Variants in ZMIZ1 observed in about 807,000 individuals in gnomAD.
The protein encoded by ZMIZ1 is zinc finger MIZ domain-containing protein 1.
ZMIZ1 carries 17 observed loss-of-function variants against 113.9 expected under a neutral mutation model. The observed-to-expected ratio is 0.15, with a 90% CI of 0.10 to 0.22. The LOEUF (loss-of-function observed/expected upper bound fraction) is 0.22. Among genes scored for constraint, ZMIZ1 ranks in the 10% least tolerant of loss-of-function variants. ZMIZ1 has a pLI of 1.00. For synonymous variants in ZMIZ1, 607 were observed against 603.1 expected (o/e 1.01, Z -0.09); for missense variants, 1,059 against 1,477.8 (o/e 0.72, Z 4.65).
chr10:79,180,180 G>T (rs1847055460), intron 4 of ZMIZ1, among the ~76,000 whole-genome samples: 1 of 152,176 alleles, frequency 6.6e-6, no homozygotes, highest in Admixed American at 6.5e-5. Flanking sequence ...CCCTCAGGGG[G>T]CCTCTCGAGA....
In ZMIZ1 at chr10:79,304,038, G is replaced by T; in HGVS notation, c.2149G>T (p.Ala717Ser). Residue 717 changes from alanine to serine, a missense_variant, in exon 19 of 25, where the codon GCT (alanine) becomes TCT (serine). By Grantham distance (99) the Ala-to-Ser change is moderately conservative. This residue lies in a region of ZMIZ1 where 217 missense variants were observed against 426.9 expected (regional missense o/e 0.51). Coordinates refer to ENST00000334512, the MANE Select transcript of ZMIZ1 (RefSeq NM_020338.4). ...TKIKRNFSSV[A>S]ASSGNTTLNG... The stretch of plus-strand genomic sequence containing the variant: ...AGTCAAGCGGAATTTCAGCAGCGTG[G>T]CTGCCTCCTCGGGCAACACGACCCT... 1.2e-6 allele frequency: 2 copies of T among 1,614,164 alleles called. No homozygotes were observed. The highest frequency in any genetic ancestry group is 1.3e-5 in the African/African-American group (1 of 75,070).
intron 6 of ZMIZ1, among the ~76,000 whole-genome samples, chr10:79,213,764 C>T (rs993703688): frequency 1.6e-4 from 24 of 152,174 alleles, no homozygotes; most frequent in African/African-American, 5.5e-4. Flanking sequence ...GAGTTTTCAG[C>T]TAGACTGCCT....
intron 3 of ZMIZ1, among the ~76,000 whole-genome samples, chr10:79,145,180 A>G (rs1845429825): frequency 1.3e-5 from 2 of 150,052 alleles, no homozygotes; most frequent in African/African-American, 4.9e-5. Flanking sequence ...TATTCCGCTC[A>G]TGGCCTTGCC....
Position 79,221,918 on chromosome 10 carries a change from A to G in ZMIZ1, c.280+5644A>G, listed in dbSNP as rs566571731. Among the ~76,000 whole-genome samples, 12 of 152,368 alleles carry G rather than the reference A, an allele frequency of 7.9e-5. No individual in the cohort carries two copies. In the South Asian group the frequency reaches 2.5e-3, roughly 32 times the overall value. On this transcript the variant is annotated intron_variant, in intron 7 of 24. Transcript: ENST00000334512. ...CCTGTCTTCCTGAGGCTGGCCTCAC[A>G]GCTGTGGGCTCCCACCCTCATGCTA...
At chr10:79,293,783 TAGGGG>T in intron 12 of ZMIZ1, 130 bp downstream of exon 12, 1 of 1,415,034 alleles carries the variant, frequency 7.1e-7, no homozygotes, top group Non-Finnish European at 9.9e-7. Flanking sequence ...GGCAGGGGCT[TAGGGG>T]TCAGGTGCTC....
chr10:79,293,803 G>T (rs1250559), intron 12 of ZMIZ1, 150 bp downstream of exon 12: 3 of 1,213,080 alleles, frequency 2.5e-6, no homozygotes, highest in Admixed American at 3.8e-5. Context: ...GTGCTCCTGG[G>T]TTTGAGACCT....
rs983814771 is a variant in ZMIZ1, at chr10:79,162,100, C to A, written c.-83C>A. The A allele has an allele frequency of 5.0e-6, 2 of 399,332 alleles. No homozygotes were observed. The highest frequency in any genetic ancestry group is 8.8e-6 in the Non-Finnish European group (2 of 226,340). 24.7% of individuals were successfully genotyped at this position (399,332 alleles called of 1,614,324 possible). A position where few individuals can be genotyped will look rare whatever the true frequency, so the allele number is the denominator to read the frequency against. On this transcript the variant is annotated 5_prime_UTR_variant, in exon 4 of 25. Coordinates refer to ENST00000334512, the MANE Select transcript of ZMIZ1 (RefSeq NM_020338.4). ...GGAGGGGCCGCAAGCTGCTGACCGG[C>A]GTGTGGAACACTGGTGGTTTGCAGA...
At chr10:79,205,922 C>T (rs764288767) in intron 5 of ZMIZ1, among the ~76,000 whole-genome samples, 50 of 152,044 alleles carry the variant, frequency 3.3e-4, no homozygotes, top group Non-Finnish European at 5.1e-4. Context: ...CATAGCAAGA[C>T]GTCGTCTCTG....
intron 10 of ZMIZ1, 67 bp downstream of exon 10, chr10:79,291,243 G>T: frequency 4.1e-6 from 6 of 1,470,984 alleles, no homozygotes; most frequent in Non-Finnish European, 4.5e-6. Flanking sequence ...AGTGGGGAGG[G>T]ACCCACTTAA....
In ZMIZ1 at chr10:79,313,714, A is replaced by G. The variant is rs990343397; in HGVS notation, c.*965A>G. On this transcript the variant is annotated 3_prime_UTR_variant, in exon 25 of 25. Transcript: ENST00000334512. ...CTATGAAGTCACCTGGAGAAAAGGA[A>G]CGTTGCTCTTGGACAGCAAGCAAAC... The G allele has an allele frequency of 2.1e-5, 6 of 282,890 alleles. No homozygotes were observed. Among genetic ancestry groups the G allele is most frequent in the Admixed American group, 9.6e-5 (2 of 20,842 alleles). The allele number at this position is 282,890 out of a possible 1,614,324, so 17.5% of individuals were successfully genotyped here.
intron 23 of ZMIZ1, among the ~76,000 whole-genome samples, chr10:79,308,983 C>T (rs1854924175): frequency 1.3e-5 from 2 of 152,290 alleles, no homozygotes; most frequent in Admixed American, 6.5e-5. Context: ...TCTAGATGGT[C>T]CTGTCCTCCA....
chr10:79,208,099 G>A (rs1848400903), intron 5 of ZMIZ1, among the ~76,000 whole-genome samples: 1 of 144,614 alleles, frequency 6.9e-6, no homozygotes. Flanking sequence ...GGGGTGGAGT[G>A]GAGGTGGATC....
intron 7 of ZMIZ1, among the ~76,000 whole-genome samples, chr10:79,244,186 G>A (rs1030089252): frequency 1.3e-5 from 2 of 152,234 alleles, no homozygotes; most frequent in African/African-American, 4.8e-5. Context: ...GAGACCCCAC[G>A]GGCACTGGTG....
At chr10:79,212,079 C>T (rs973069055) in intron 6 of ZMIZ1, among the ~76,000 whole-genome samples, 6 of 152,172 alleles carry the variant, frequency 3.9e-5, no homozygotes, top group African/African-American at 1.4e-4. Flanking sequence ...CTTTTCAAGA[C>T]AACTCAGTTG....
At chr10:79,246,712 C>T (rs1404207402) in intron 7 of ZMIZ1, among the ~76,000 whole-genome samples, 1 of 152,206 alleles carries the variant, frequency 6.6e-6, no homozygotes, top group Non-Finnish European at 1.5e-5. Context: ...AGGAAACTCT[C>T]CCAGGGCCTG....
At chr10:79,166,000 G>GTCTGTGTC (rs1554860982) in intron 4 of ZMIZ1, among the ~76,000 whole-genome samples, 1 of 115,632 alleles carries the variant, frequency 8.6e-6, no homozygotes, top group Non-Finnish European at 1.8e-5. Context: ...GTGTGTGTGT[G>GTCTGTGTC]TGGGCTCTCC....
chr10:79,282,043 CGTT>C (rs1326912526), intron 8 of ZMIZ1, among the ~76,000 whole-genome samples: 1 of 152,160 alleles, frequency 6.6e-6, no homozygotes, highest in East Asian at 1.9e-4. Context: ...TCTGAGGACA[CGTT>C]GTGGTTAGGC....
chr10:79,230,615 G>A (rs1334193079), intron 7 of ZMIZ1, among the ~76,000 whole-genome samples: 1 of 152,228 alleles, frequency 6.6e-6, no homozygotes, highest in East Asian at 1.9e-4. Flanking sequence ...TCTCAGAAGA[G>A]AGAAAATGGG....
At chr10:79,301,390 A>G (rs1564599996) in intron 17 of ZMIZ1, among the ~76,000 whole-genome samples, 1 of 149,904 alleles carries the variant, frequency 6.7e-6, no homozygotes, top group Non-Finnish European at 1.5e-5. Flanking sequence ...TTCTTTCCCA[A>G]CCCCCTTGTC....
Sources: gnomAD v4.1 joint callset for allele counts (sites outside exome capture counted in the v4.1 genomes callset) on GRCh38, gnomAD v4.1.1 for gene constraint, gnomAD v4.1.1 regional missense constraint, MANE v1.5 for transcripts, NCBI Gene and HGNC (gene_info 2026-07-23, HGNC 2026-07-21) for gene names.